The following ZC3H12B variants were observed in gnomAD, a reference collection of about 807,000 sequenced individuals.
ZC3H12B encodes zinc finger CCCH-type containing 12B, also known as probable ribonuclease ZC3H12B.
A neutral mutation model predicts 43.9 loss-of-function variants in ZC3H12B; 7 were observed. That is an observed-to-expected ratio of 0.16 (90% CI 0.09 to 0.30). The LOEUF is 0.30. Among genes scored for constraint, ZC3H12B ranks in the 10% least tolerant of loss-of-function variants. ZC3H12B has a pLI of 1.00. For synonymous variants in ZC3H12B, 222 were observed against 241.7 expected (o/e 0.92, Z 0.76); for missense variants, 475 against 670.2 (o/e 0.71, Z 3.22).
the ZC3H12B span, among the ~76,000 whole-genome samples, chrX:65,286,016 G>C: frequency 2.7e-5 from 3 of 111,618 alleles, no homozygotes; most frequent in South Asian, 1.1e-3. Context: ...ATTCCTCAAA[G>C]AACTTAAAAC....
the ZC3H12B span, among the ~76,000 whole-genome samples, chrX:65,173,932 G>T: frequency 1.8e-5 from 2 of 111,098 alleles, no homozygotes; most frequent in East Asian, 5.7e-4. Context: ...TTATGTGGGG[G>T]TCCTTTTTTT....
chrX:65,215,104 G>C, the ZC3H12B span, among the ~76,000 whole-genome samples: 1 of 111,596 alleles, frequency 9.0e-6, no homozygotes, highest in South Asian at 3.7e-4. Context: ...CTCTCATCCA[G>C]GCTTCGTTTG....
chrX:65,098,803 A>C, the ZC3H12B span, among the ~76,000 whole-genome samples: 2 of 110,906 alleles, frequency 1.8e-5, no homozygotes, highest in Non-Finnish European at 3.8e-5. Context: ...AAAATGGGGC[A>C]GCTGTTTGGG....
At chrX:65,373,970 AG>A (rs1382522889) in intron 2 of ZC3H12B, among the ~76,000 whole-genome samples, 1 of 49,179 alleles carries the variant, frequency 2.0e-5, no homozygotes, top group Non-Finnish European at 2.7e-5. Context: ...CTGTATATAT[AG>A]TATATATATA....
the ZC3H12B span, among the ~76,000 whole-genome samples, chrX:65,300,047 G>T: frequency 8.9e-6 from 1 of 112,511 alleles, no homozygotes; most frequent in African/African-American, 3.2e-5. Context: ...TGTCTCACAA[G>T]GGTGTTTGGG....
At chrX:65,082,943 T>C in the ZC3H12B span, among the ~76,000 whole-genome samples, 1 of 110,490 alleles carries the variant, frequency 9.1e-6, no homozygotes, top group South Asian at 3.8e-4. Flanking sequence ...GATTCAAGAA[T>C]AGTTCAAAAT....
chrX:65,038,865 A>G, the ZC3H12B span, among the ~76,000 whole-genome samples: 2 of 111,712 alleles, frequency 1.8e-5, no homozygotes, highest in Non-Finnish European at 3.8e-5. Flanking sequence ...AAGAATTACC[A>G]TATGCTAAAC....
the ZC3H12B span, among the ~76,000 whole-genome samples, chrX:65,125,446 A>G: frequency 9.0e-6 from 1 of 111,523 alleles, no homozygotes; most frequent in Non-Finnish European, 1.9e-5. Context: ...GCTGATGAAT[A>G]GAATGTATAT....
the ZC3H12B span, among the ~76,000 whole-genome samples, chrX:65,337,012 G>T: frequency 8.9e-6 from 1 of 112,180 alleles, no homozygotes; most frequent in Non-Finnish European, 1.9e-5. Context: ...CTAAATATTT[G>T]GAAGGACTAT....
At chrX:65,165,763 C>G in the ZC3H12B span, among the ~76,000 whole-genome samples, 1 of 112,112 alleles carries the variant, frequency 8.9e-6, no homozygotes. Flanking sequence ...CATAAATGTG[C>G]ATGTGTCTTT....
At chrX:65,185,773 A>G in the ZC3H12B span, 2 of 111,463 alleles carry the variant, frequency 1.8e-5, no homozygotes, top group Non-Finnish European at 1.9e-5. Flanking sequence ...AACAAAGATG[A>G]CATATCAGGA....
At chrX:65,038,705 T>C in the ZC3H12B span, among the ~76,000 whole-genome samples, 8 of 111,092 alleles carry the variant, frequency 7.2e-5, no homozygotes, top group African/African-American at 2.6e-4. Flanking sequence ...GCATGTAAAA[T>C]AGGGTAAAGA....
At chrX:65,156,130 C>T in the ZC3H12B span, among the ~76,000 whole-genome samples, 2 of 111,271 alleles carry the variant, frequency 1.8e-5, no homozygotes, top group Non-Finnish European at 3.8e-5. Flanking sequence ...TTTATAACCT[C>T]TGCAGACCTT....
chrX:65,212,178 A>G, the ZC3H12B span, among the ~76,000 whole-genome samples: 18 of 49,341 alleles, frequency 3.6e-4, no homozygotes, highest in African/African-American at 1.5e-3. Context: ...ATAATATTAT[A>G]TATTATATAT....
chrX:65,111,305 T>G, the ZC3H12B span, among the ~76,000 whole-genome samples: 1 of 111,546 alleles, frequency 9.0e-6, no homozygotes, highest in Non-Finnish European at 1.9e-5. Context: ...GCCTTGTGCC[T>G]AATTGTAGGG....
the ZC3H12B span, among the ~76,000 whole-genome samples, chrX:65,311,167 G>A: frequency 8.9e-6 from 1 of 111,992 alleles, no homozygotes; most frequent in Non-Finnish European, 1.9e-5. Context: ...AAACTAAAGA[G>A]CTTCTGCATG....
the ZC3H12B span, among the ~76,000 whole-genome samples, chrX:65,036,386 C>A: frequency 2.7e-5 from 3 of 111,091 alleles, no homozygotes; most frequent in African/African-American, 9.8e-5. Context: ...TAAGACGTGG[C>A]GAGAGAGAAG....
chrX:65,300,986 G>GA, the ZC3H12B span, among the ~76,000 whole-genome samples: 343 of 88,951 alleles, frequency 3.9e-3, 3 homozygotes, highest in African/African-American at 9.1e-3. Flanking sequence ...AAATCAGCAA[G>GA]AAAAAAAAAA....
chrX:65,222,597 C>T, the ZC3H12B span, among the ~76,000 whole-genome samples: 2 of 91,339 alleles, frequency 2.2e-5, no homozygotes, highest in African/African-American at 8.0e-5. Context: ...TTTACAATAG[C>T]TGCAAAATAA....
Sources: allele counts gnomAD v4.1 joint callset (sites outside exome capture counted in the v4.1 genomes callset), GRCh38; gene constraint gnomAD v4.1.1; transcripts MANE v1.5; gene names NCBI Gene and HGNC (gene_info 2026-07-23, HGNC 2026-07-21).